Variants in PRKCE observed in about 807,000 individuals in gnomAD.
The protein encoded by PRKCE is protein kinase C epsilon type.
In PRKCE, 16 loss-of-function variants were observed where a neutral mutation model predicts 85.4. That is an observed-to-expected ratio of 0.19 (90% CI 0.13 to 0.28). The LOEUF (loss-of-function observed/expected upper bound fraction) is 0.28. PRKCE is among the 10% of genes least tolerant of loss of function. The pLI is 1.00. For missense variants in PRKCE, 573 were observed against 975.2 expected (o/e 0.59, Z 5.49); for synonymous variants, 388 against 371.5 (o/e 1.04, Z -0.51).
chr2:45,904,927 C>G (rs1009618907), intron 2 of PRKCE, among the ~76,000 whole-genome samples: 15 of 152,110 alleles, frequency 9.9e-5, no homozygotes, highest in African/African-American at 3.6e-4. Flanking sequence ...ACCTGGGGAG[C>G]TGGGGGTCCA....
At chr2:45,803,509 A>G (rs1452719758) in intron 1 of PRKCE, among the ~76,000 whole-genome samples, 1 of 152,172 alleles carries the variant, frequency 6.6e-6, no homozygotes. Context: ...ATTATCAGAG[A>G]CAGTGGGAAG....
chr2:45,838,370 C>G (rs1435734967), intron 1 of PRKCE, among the ~76,000 whole-genome samples: 2 of 152,184 alleles, frequency 1.3e-5, no homozygotes, highest in Non-Finnish European at 2.9e-5. Context: ...TGAAAGCTCT[C>G]TAAGCCTGTT....
At chr2:46,102,931 C>T (rs567991631) in intron 11 of PRKCE, among the ~76,000 whole-genome samples, 2 of 152,258 alleles carry the variant, frequency 1.3e-5, no homozygotes, top group African/African-American at 4.8e-5. Context: ...CTTTTCCATG[C>T]CCTTTTCCAT....
chr2:46,184,770 C>A lies in PRKCE; in HGVS notation c.2103C>A (p.Asp701Glu), dbSNP rs745661580. The A allele has an allele frequency of 1.9e-6, 3 of 1,599,634 alleles. No individual in the cohort carries two copies. The highest frequency in any genetic ancestry group is 2.5e-6 in the Non-Finnish European group (3 of 1,179,960). ...GAGACGTCAATAATTTTGACCAAGACTTTACCCGGGAAGAGCCGGTACTCA... is the reference window on the plus strand; with the variant it reads ...GAGACGTCAATAATTTTGACCAAGAATTTACCCGGGAAGAGCCGGTACTCA... The part of the protein sequence containing the change: ...TKRDVNNFDQ[D>E]FTREEPVLTL... The change falls in exon 15 of 15, where the codon GAC (aspartate) becomes GAA (glutamate). Residue 701 changes from aspartate to glutamate, a missense_variant. Asp to Glu is a conservative substitution (Grantham distance 45, BLOSUM62 2). Transcript: ENST00000306156. The surrounding 1 kb of genome is among the most constrained non-coding windows in gnomAD (Gnocchi z 5.0).
chr2:45,689,310 C>T (rs535197346), intron 1 of PRKCE, among the ~76,000 whole-genome samples: 2 of 152,180 alleles, frequency 1.3e-5, no homozygotes, highest in African/African-American at 2.4e-5. Flanking sequence ...CTTGGGTAAC[C>T]AGAACGTGAT....
At chr2:46,033,762 T>C (rs1368697374) in intron 10 of PRKCE, among the ~76,000 whole-genome samples, 1 of 152,212 alleles carries the variant, frequency 6.6e-6, no homozygotes, top group East Asian at 1.9e-4. Flanking sequence ...TAGAATCAGA[T>C]GCCGGGCTGC....
intron 1 of PRKCE, among the ~76,000 whole-genome samples, chr2:45,831,608 A>G (rs1690430032): frequency 6.6e-6 from 1 of 152,244 alleles, no homozygotes; most frequent in South Asian, 2.1e-4. Context: ...GCAAAAGAGG[A>G]GGGAAGTGGT....
chr2:45,830,822 A>G (rs1409981894), intron 1 of PRKCE, among the ~76,000 whole-genome samples: 1 of 152,256 alleles, frequency 6.6e-6, no homozygotes, highest in East Asian at 1.9e-4. Context: ...TCTTTTTAAA[A>G]CCTAGAATTC....
In PRKCE at chr2:45,892,721, T is replaced by C. The variant is rs543022387; in HGVS notation, c.412+49658T>C. On this transcript the variant is annotated intron_variant, in intron 2 of 14. Coordinates refer to ENST00000306156, the MANE Select transcript of PRKCE (RefSeq NM_005400.3). ...AGACTCAAGAATGTGTCTGTATAAA[T>C]AAAAGTGAAAGTGGCATATGCTTGA... 1.1e-3 allele frequency among the ~76,000 whole-genome samples: 163 copies of C among 152,228 alleles called. 1 individual carries two copies. Among genetic ancestry groups the C allele is most frequent in the African/African-American group, 3.6e-3 (149 of 41,550 alleles).
chr2:45,677,794 G>A, intron 1 of PRKCE: 2 of 961,764 alleles, frequency 2.1e-6, no homozygotes, highest in Non-Finnish European at 2.5e-6. Flanking sequence ...GGCTTAAAAG[G>A]CAATTGCTTT....
chr2:45,969,296 A>G (rs752626199), intron 2 of PRKCE, among the ~76,000 whole-genome samples: 2 of 152,116 alleles, frequency 1.3e-5, no homozygotes, highest in Non-Finnish European at 2.9e-5. Context: ...TCCTTGACTC[A>G]AGTTCACCCC....
intron 1 of PRKCE, among the ~76,000 whole-genome samples, chr2:45,693,741 C>T (rs546862562): frequency 6.6e-6 from 1 of 152,172 alleles, no homozygotes; most frequent in Non-Finnish European, 1.5e-5. Flanking sequence ...CGGGGTGGAC[C>T]GTCACCCCTG....
chr2:45,825,893 CA>C (rs1220191035), intron 1 of PRKCE, among the ~76,000 whole-genome samples: 1 of 151,766 alleles, frequency 6.6e-6, no homozygotes, highest in Non-Finnish European at 1.5e-5. Flanking sequence ...ATTTCAAAAA[CA>C]AAAACATACC....
intron 2 of PRKCE, among the ~76,000 whole-genome samples, chr2:45,971,875 G>A (rs1702133758): frequency 6.6e-6 from 1 of 152,162 alleles, no homozygotes; most frequent in Non-Finnish European, 1.5e-5. Flanking sequence ...TGGACATTTA[G>A]GTTGCTTCCA....
intron 2 of PRKCE, among the ~76,000 whole-genome samples, chr2:45,862,873 GC>G (rs1283161352): frequency 1.3e-5 from 2 of 152,250 alleles, no homozygotes; most frequent in African/African-American, 4.8e-5. Flanking sequence ...CTTCGCAGGG[GC>G]TGCATTCACA....
intron 2 of PRKCE, among the ~76,000 whole-genome samples, chr2:45,845,976 A>G (rs1469097080): frequency 1.3e-5 from 2 of 152,050 alleles, no homozygotes; most frequent in Non-Finnish European, 2.9e-5. Flanking sequence ...CAAGAAATGG[A>G]CTCGTTTGGT....
chr2:45,849,521 G>A (rs966285918), intron 2 of PRKCE, among the ~76,000 whole-genome samples: 1 of 152,096 alleles, frequency 6.6e-6, no homozygotes, highest in Non-Finnish European at 1.5e-5. Context: ...AATAAGAAAT[G>A]TCACTTGAGA....
At chr2:46,098,325 C>G (rs889914705) in intron 11 of PRKCE, among the ~76,000 whole-genome samples, 1 of 151,252 alleles carries the variant, frequency 6.6e-6, no homozygotes, top group African/African-American at 2.5e-5. Flanking sequence ...ATTACTCCCC[C>G]CCCAACCCAC....
chr2:45,806,480 C>T (rs1397757086), intron 1 of PRKCE, among the ~76,000 whole-genome samples: 5 of 152,194 alleles, frequency 3.3e-5, no homozygotes, highest in Admixed American at 1.3e-4. Context: ...CACAGATCAG[C>T]GGCATTAAGT....
Sources: gnomAD v4.1 joint callset for allele counts (sites outside exome capture counted in the v4.1 genomes callset) on GRCh38, gnomAD v4.1.1 for gene constraint, Gnocchi (gnomAD v3.1) non-coding constraint, MANE v1.5 for transcripts, NCBI Gene and HGNC (gene_info 2026-07-23, HGNC 2026-07-21) for gene names.